The following KDM7A variants were observed in gnomAD, a reference collection of about 807,000 sequenced individuals.
KDM7A encodes the protein lysine-specific demethylase 7A.
Under a neutral mutation model 114.8 loss-of-function variants are expected in KDM7A, and 28 were observed. That is an observed-to-expected ratio of 0.24 (90% confidence interval 0.18 to 0.33). KDM7A has a LOEUF of 0.33. KDM7A is among the 10% of genes least tolerant of loss of function. The probability of loss-of-function intolerance (pLI) is 1.00; values close to 1 mark genes in which losing one functional copy is unlikely to be tolerated. For synonymous variants in KDM7A, 423 were observed against 397.8 expected, an observed-to-expected ratio of 1.06 and a Z score of -0.75; for missense variants, 942 against 1,142.5, an observed-to-expected ratio of 0.82 and a Z score of 2.53.
In KDM7A at chr7:140,176,058, T is replaced by C. The variant is rs1794702111; in HGVS notation, c.194+686A>G. Among the ~76,000 whole-genome samples, 1 of 151,208 alleles carries C rather than the reference T, an allele frequency of 6.6e-6. No individual in the cohort carries two copies. The highest frequency in any genetic ancestry group is 2.4e-5 in the African/African-American group (1 of 41,200). On this transcript the variant is annotated intron_variant, in intron 1 of 19. Coordinates refer to ENST00000397560, the MANE Select transcript of KDM7A (RefSeq NM_030647.2). This position sits in a 1 kb window ranked among gnomAD's most constrained non-coding sequence, Gnocchi z 4.4. Reference sequence around the variant, plus strand: ...CGCCCGCCGGGGGCCCGGCCCCAACTTCCCCGGCACCTTTCAAGTCCCCGA... The same window carrying C: ...CGCCCGCCGGGGGCCCGGCCCCAACCTCCCCGGCACCTTTCAAGTCCCCGA...
intron 1 of KDM7A, among the ~76,000 whole-genome samples, chr7:140,172,984 G>A (rs1479621225): frequency 6.6e-6 from 1 of 152,018 alleles, no homozygotes; most frequent in African/African-American, 2.4e-5. Flanking sequence ...ACTAAAAAAT[G>A]CGATTAAAGA....
chr7:140,113,101 G>C (rs1457448288), intron 10 of KDM7A, among the ~76,000 whole-genome samples: 1 of 152,142 alleles, frequency 6.6e-6, no homozygotes, highest in East Asian at 1.9e-4. Context: ...GTAGAATGGT[G>C]GTACCAACAG....
At chr7:140,106,870 A>G (rs1229846381) in intron 11 of KDM7A, among the ~76,000 whole-genome samples, 1 of 152,094 alleles carries the variant, frequency 6.6e-6, no homozygotes, top group Non-Finnish European at 1.5e-5. Context: ...TGATCTGTCT[A>G]ATGTTGACAG....
chr7:140,092,162 G>T (rs1818030838), intron 18 of KDM7A, 85 bp from the exon 19 acceptor site: 1 of 1,280,056 alleles, frequency 7.8e-7, no homozygotes, highest in Non-Finnish European at 1.1e-6. Flanking sequence ...AAAGTCAAGT[G>T]AGAGAAGAAA....
chr7:140,096,941 T>C lies in KDM7A; in HGVS notation c.2123A>G (p.Gln708Arg). 1 of 1,613,942 alleles carries C rather than the reference T, an allele frequency of 6.2e-7. No individual in the cohort carries two copies. The highest frequency in any genetic ancestry group is 8.5e-7 in the Non-Finnish European group (1 of 1,179,872). Residue 708 changes from glutamine (Q) to arginine (R), a missense_variant, in exon 16 of 20, where the codon CAA (glutamine) becomes CGA (arginine). Around this residue, in one of 4 missense-constraint regions of KDM7A, gnomAD observed 512 missense variants for 576.6 expected, o/e 0.89. Coordinates refer to ENST00000397560, the MANE Select transcript of KDM7A (RefSeq NM_030647.2). ...ACTTCTAGATGGCTTCTGGCTCTTT[T>C]GAAGGAAGTTCCTCATCACATTAGA... ...EESNVMRNFL[Q>R]KSQKPSRSEI...
chr7:140,104,408 T>C (rs1435741178), intron 11 of KDM7A, among the ~76,000 whole-genome samples: 1 of 152,222 alleles, frequency 6.6e-6, no homozygotes, highest in Non-Finnish European at 1.5e-5. Flanking sequence ...TGGTACTGCC[T>C]AGGTTTTCTT....
At chr7:140,146,149 T>A (rs180759637) in intron 1 of KDM7A, among the ~76,000 whole-genome samples, 17 of 152,336 alleles carry the variant, frequency 1.1e-4, no homozygotes, top group African/African-American at 3.6e-4. Flanking sequence ...ACAGTAAATT[T>A]GATATATCAA....
intron 1 of KDM7A, among the ~76,000 whole-genome samples, chr7:140,149,134 A>C (rs1033897591): frequency 6.6e-6 from 1 of 152,236 alleles, no homozygotes; most frequent in Non-Finnish European, 1.5e-5. Context: ...CAGTATAAAA[A>C]GGAACTGATC....
In KDM7A at chr7:140,133,751, T is replaced by C. The variant is rs538008934; in HGVS notation, c.281-95A>G. The C allele has an allele frequency of 3.0e-5, 20 of 658,806 alleles. No individual in the cohort carries two copies. The African/African-American group carries it at 3.1e-4, about 10-fold the overall frequency. 40.8% of individuals were successfully genotyped at this position (658,806 alleles called of 1,614,324 possible). ...TATCCGACATAATCAGAAATAACAA[T>C]TGTAAGTACATTAAAAACACTCAAG... On this transcript the variant is annotated intron_variant, in intron 2 of 19. Transcript: ENST00000397560.
rs895671557 is a variant in KDM7A at position 140,096,780 on chromosome 7, C to A, written c.2166-17G>T. The A allele has an allele frequency of 5.0e-6, 8 of 1,605,710 alleles. No individual in the cohort carries two copies. Among genetic ancestry groups the A allele is most frequent in the African/African-American group, 4.0e-5 (3 of 74,458 alleles). ...GGACATTCCCTAAAGAAGAGATGAT[C>A]CAAAAACACAAGAGTCTATTTTTTC... On this transcript the variant is annotated splice_polypyrimidine_tract_variant and intron_variant, in intron 16 of 19. Coordinates refer to ENST00000397560, the MANE Select transcript of KDM7A (RefSeq NM_030647.2).
At chr7:140,110,658 C>T (rs754917030) in intron 11 of KDM7A, among the ~76,000 whole-genome samples, 34 of 152,062 alleles carry the variant, frequency 2.2e-4, no homozygotes, top group Non-Finnish European at 4.7e-4. Context: ...TATTAAAGGG[C>T]ATTTACCTAA....
intron 5 of KDM7A, 146 bp downstream of exon 5, chr7:140,127,296 G>T (rs1562953419): frequency 1.5e-6 from 1 of 687,750 alleles, no homozygotes; most frequent in Non-Finnish European, 2.4e-6. Context: ...AAGTATCTCT[G>T]AGTGTCCCAA....
chr7:140,169,618 C>T (rs930811995), intron 1 of KDM7A, among the ~76,000 whole-genome samples: 7 of 152,112 alleles, frequency 4.6e-5, no homozygotes, highest in South Asian at 2.1e-4. Flanking sequence ...CTCCGCCTCC[C>T]GGTTTCAAGC....
intron 1 of KDM7A, among the ~76,000 whole-genome samples, chr7:140,156,272 A>G (rs568207643): frequency 9.9e-5 from 15 of 152,238 alleles, no homozygotes; most frequent in Non-Finnish European, 1.3e-4. Context: ...CCATGTTCAC[A>G]ATACATTTTG....
intron 9 of KDM7A, among the ~76,000 whole-genome samples, chr7:140,114,778 C>A (rs1362354883): frequency 6.7e-6 from 1 of 150,062 alleles, no homozygotes; most frequent in African/African-American, 2.5e-5. Flanking sequence ...CTCTGCCCGG[C>A]CGCCCCGTCT....
intron 6 of KDM7A, among the ~76,000 whole-genome samples, chr7:140,125,824 T>C (rs1192519620): frequency 1.3e-5 from 2 of 152,152 alleles, no homozygotes; most frequent in African/African-American, 4.8e-5. Flanking sequence ...CAGCCTCAAC[T>C]TCCTGGGCTC....
At chr7:140,133,270 T>C (rs75709467) in intron 3 of KDM7A, among the ~76,000 whole-genome samples, 1 of 152,318 alleles carries the variant, frequency 6.6e-6, no homozygotes, top group East Asian at 1.9e-4. Flanking sequence ...CTTTTTGGAC[T>C]GTGGCCCACA....
rs370038262 is a variant in KDM7A at position 140,138,907 on chromosome 7, T to C, written c.280+198A>G. Among the ~76,000 whole-genome samples, 4 of 152,206 alleles carry C rather than the reference T, an allele frequency of 2.6e-5. No individual in the cohort carries two copies. In the East Asian group the frequency reaches 7.7e-4, roughly 29 times the overall value. ...CTGCACTGGCAATTAAGACTGACAG[T>C]ACATTTCCCCCCTTAATCTTCTGAC... On this transcript the variant is annotated intron_variant, in intron 2 of 19. Coordinates refer to ENST00000397560, the MANE Select transcript of KDM7A (RefSeq NM_030647.2).
intron 11 of KDM7A, among the ~76,000 whole-genome samples, chr7:140,105,493 A>G (rs1373615377): frequency 1.3e-5 from 2 of 152,244 alleles, no homozygotes; most frequent in Non-Finnish European, 2.9e-5. Context: ...AGTTTTTAGC[A>G]TGAAGGGCTG....
Sources: gnomAD v4.1 joint callset for allele counts (sites outside exome capture counted in the v4.1 genomes callset) on GRCh38, gnomAD v4.1.1 for gene constraint, gnomAD v4.1.1 regional missense constraint, Gnocchi (gnomAD v3.1) non-coding constraint, MANE v1.5 for transcripts, NCBI Gene and HGNC (gene_info 2026-07-23, HGNC 2026-07-21) for gene names.